Variants in RSPO1 observed in about 807,000 individuals in gnomAD.
The protein encoded by RSPO1 is R-spondin 1.
Under a neutral mutation model 26.0 loss-of-function variants are expected in RSPO1, and 18 were observed. The ratio of observed to expected loss-of-function variants is 0.69; its 90% CI spans 0.48 to 1.03. The LOEUF (loss-of-function observed/expected upper bound fraction) is 1.03, where lower values mean the gene tolerates loss of function less well. Ranked by LOEUF, RSPO1 falls within the 50% of genes least tolerant of loss-of-function variation. The pLI is 0.00. For missense variants in RSPO1, 309 were observed against 352.3 expected, an observed-to-expected ratio of 0.88 and a Z score of 0.98; for synonymous variants, 133 against 137.4, an observed-to-expected ratio of 0.97 and a Z score of 0.22.
intron 3 of RSPO1, among the ~76,000 whole-genome samples, chr1:37,628,027 A>T (rs1218769167): frequency 6.6e-6 from 1 of 152,208 alleles, no homozygotes; most frequent in Non-Finnish European, 1.5e-5. Context: ...TTCTGATGCC[A>T]AGTCTAGTAC....
intron 3 of RSPO1, among the ~76,000 whole-genome samples, chr1:37,625,861 T>C (rs1395674743): frequency 6.6e-6 from 1 of 152,120 alleles, no homozygotes; most frequent in African/African-American, 2.4e-5. Flanking sequence ...GTATTTTTAG[T>C]GGAGACAAGC....
chr1:37,625,092 T>A (rs1644256792), intron 3 of RSPO1, among the ~76,000 whole-genome samples: 2 of 152,194 alleles, frequency 1.3e-5, no homozygotes, highest in African/African-American at 4.8e-5. Flanking sequence ...ATGGAGTATT[T>A]CTCTGTGTTA....
At chr1:37,617,093 A>T (rs751662164) in intron 3 of RSPO1, among the ~76,000 whole-genome samples, 1 of 152,228 alleles carries the variant, frequency 6.6e-6, no homozygotes, top group African/African-American at 2.4e-5. Context: ...AGTGAAATAG[A>T]AAAGGACCAC....
At chr1:37,630,531 C>T (rs546506043) in intron 2 of RSPO1, among the ~76,000 whole-genome samples, 131 of 152,324 alleles carry the variant, frequency 8.6e-4, no homozygotes, top group African/African-American at 2.6e-3. Flanking sequence ...GCAGGCCCGG[C>T]GGGCCTGGCC....
intron 3 of RSPO1, among the ~76,000 whole-genome samples, chr1:37,622,673 C>A (rs1392062101): frequency 6.6e-6 from 1 of 152,000 alleles, no homozygotes; most frequent in Admixed American, 6.6e-5. Flanking sequence ...ACAGAGGTGC[C>A]AGGAATAAGG....
chr1:37,617,688 A>AAAAAAAAAAAAAAAAAAAAAAAAAAAAG (rs1553120745), intron 3 of RSPO1, among the ~76,000 whole-genome samples: 1 of 136,536 alleles, frequency 7.3e-6, no homozygotes. Context: ...AAAAAAAAAA[A>AAAAAAAAAAAAAAAAAAAAAAAAAAAAG]AGAGAGAACC....
At chr1:37,625,885 G>C (rs1644268624) in intron 3 of RSPO1, among the ~76,000 whole-genome samples, 1 of 152,076 alleles carries the variant, frequency 6.6e-6, no homozygotes, top group South Asian at 2.1e-4. Context: ...CGCCATGTTG[G>C]GCAGGCTGGT....
intron 1 of RSPO1, among the ~76,000 whole-genome samples, chr1:37,633,020 G>C (rs1398581487): frequency 1.3e-5 from 2 of 152,192 alleles, no homozygotes. Context: ...TATTGGTGGG[G>C]GTAAGAAAGG....
chr1:37,613,582 G>T lies in RSPO1; in HGVS notation c.625+122C>A. 5.2e-6 allele frequency: 4 copies of T among 774,822 alleles called. No individual in the cohort carries two copies. The highest frequency in any genetic ancestry group is 2.0e-5 in the Admixed American group (1 of 50,014). 48.0% of individuals were successfully genotyped at this position (774,822 alleles called of 1,614,324 possible). On this transcript the variant is annotated intron_variant, in intron 6 of 6. Transcript: ENST00000356545. The surrounding 1 kb of genome is among the most constrained non-coding windows in gnomAD (Gnocchi z 4.5). The stretch of plus-strand genomic sequence containing the variant: ...GACAGCATGAGGTCTTGAGTTGCGG[G>T]TGCCCCATCTGGCCTTGCCCTGAAG...
chr1:37,614,428 A>T, intron 4 of RSPO1, 95 bp from the exon 5 acceptor site: 1 of 1,408,642 alleles, frequency 7.1e-7, no homozygotes, highest in South Asian at 1.2e-5. Context: ...GTCCACACCC[A>T]CCTACATGGA....
chr1:37,617,059 G>A (rs2148163776), intron 3 of RSPO1, among the ~76,000 whole-genome samples: 1 of 152,326 alleles, frequency 6.6e-6, no homozygotes, highest in Middle Eastern at 3.4e-3. Context: ...TTCTGAGAAA[G>A]TTTTAAGGGC....
rs746161623 is a variant in RSPO1 at position 37,616,668 on chromosome 1, G to A, written c.102C>T (p.Ala34=). The change falls in exon 4 of 7, where the codon GCC becomes GCT. Residue 34 remains alanine, a synonymous_variant. Transcript: ENST00000356545. ...CTTTGGCACAGGCCTGGCTCCCCTC[G>A]GCACTGACTGCAAAGGTGGAGCAGG... ...IKGKRQRRIS[A]EGSQACAKGC... 4.5e-5 allele frequency: 73 copies of A among 1,613,768 alleles called. No homozygotes were observed. The highest frequency in any genetic ancestry group is 5.4e-5 in the Non-Finnish European group (64 of 1,180,004).
intron 3 of RSPO1, among the ~76,000 whole-genome samples, chr1:37,617,843 A>G (rs947188060): frequency 6.6e-6 from 1 of 152,032 alleles, no homozygotes; most frequent in Non-Finnish European, 1.5e-5. Flanking sequence ...GCCACTCTGT[A>G]GAGGAACTGA....
At chr1:37,617,224 C>T (rs1157584511) in intron 3 of RSPO1, among the ~76,000 whole-genome samples, 1 of 152,082 alleles carries the variant, frequency 6.6e-6, no homozygotes, top group Admixed American at 6.6e-5. Flanking sequence ...GGTGATCACA[C>T]CTGGGGAAAG....
chr1:37,624,336 G>A (rs888200696), intron 3 of RSPO1, among the ~76,000 whole-genome samples: 2 of 152,186 alleles, frequency 1.3e-5, no homozygotes, highest in East Asian at 1.9e-4. Context: ...CAGGGCAAGC[G>A]GCCTTGCAGG....
chr1:37,630,614 C>T (rs905447562), intron 2 of RSPO1, among the ~76,000 whole-genome samples: 2 of 152,248 alleles, frequency 1.3e-5, no homozygotes, highest in African/African-American at 4.8e-5. Context: ...AATCCCCCAG[C>T]CCAGCGAGAG....
intron 6 of RSPO1, 41 bp from the exon 7 acceptor site, chr1:37,612,962 G>T (rs1289231518): frequency 2.5e-6 from 4 of 1,608,402 alleles, no homozygotes; most frequent in Non-Finnish European, 3.4e-6. Flanking sequence ...CAAAGGATGT[G>T]CAGGGAGGCC....
At chr1:37,621,182 C>T (rs114655476) in intron 3 of RSPO1, among the ~76,000 whole-genome samples, 36 of 152,222 alleles carry the variant, frequency 2.4e-4, no homozygotes, top group African/African-American at 8.7e-4. Context: ...TGGTGGGAGC[C>T]TGGAGCGAGT....
chr1:37,619,728 A>AT (rs1375553037), intron 3 of RSPO1, among the ~76,000 whole-genome samples: 2 of 151,418 alleles, frequency 1.3e-5, no homozygotes, highest in African/African-American at 4.9e-5. Flanking sequence ...TACTATTGTT[A>AT]TTTTTTTAAA....
Sources: allele counts gnomAD v4.1 joint callset (sites outside exome capture counted in the v4.1 genomes callset), GRCh38; gene constraint gnomAD v4.1.1; non-coding constraint Gnocchi (gnomAD v3.1); transcripts MANE v1.5; gene names NCBI Gene and HGNC (gene_info 2026-07-23, HGNC 2026-07-21).